The following TMEM116 variants were observed in gnomAD, a reference collection of about 807,000 sequenced individuals.
TMEM116 encodes the protein transmembrane protein 116.
A neutral mutation model predicts 44.3 loss-of-function variants in TMEM116; 38 were observed. That is an observed-to-expected ratio of 0.86 (90% CI 0.66 to 1.12). The LOEUF (loss-of-function observed/expected upper bound fraction) is 1.12. Among genes scored for constraint, TMEM116 ranks in the 50% most tolerant of loss-of-function variants. The probability of loss-of-function intolerance (pLI) is 0.00; values close to 1 mark genes in which losing one functional copy is unlikely to be tolerated. For synonymous variants in TMEM116, 132 were observed against 144.8 expected (o/e 0.91, Z 0.64); for missense variants, 354 against 401.7 (o/e 0.88, Z 1.01).
intron 4 of TMEM116, among the ~76,000 whole-genome samples, chr12:111,982,694 C>G (rs1169462302): frequency 6.6e-6 from 1 of 151,988 alleles, no homozygotes. Flanking sequence ...TCTAGAAGGC[C>G]ACATGCATGT....
At chr12:111,983,295 G>A (rs539153338) in intron 4 of TMEM116, among the ~76,000 whole-genome samples, 1 of 152,254 alleles carries the variant, frequency 6.6e-6, no homozygotes, top group East Asian at 1.9e-4. Context: ...AATTAGCTGG[G>A]CATGGTGGCG....
chr12:111,945,073 T>TAAAA (rs1231486290), intron 4 of TMEM116, among the ~76,000 whole-genome samples: 36 of 56,130 alleles, frequency 6.4e-4, no homozygotes, highest in South Asian at 1.2e-3. Context: ...AGACTCCATC[T>TAAAA]AAAAAAAAAA....
chr12:111,958,929 A>G (rs557912661), intron 4 of TMEM116, among the ~76,000 whole-genome samples: 5 of 152,316 alleles, frequency 3.3e-5, no homozygotes, highest in African/African-American at 1.2e-4. Flanking sequence ...ACTCTTCAGG[A>G]TATTATCCAG....
At chr12:111,938,110 C>G (rs368367040) in intron 6 of TMEM116, 51 bp downstream of exon 6, 9 of 1,305,262 alleles carry the variant, frequency 6.9e-6, no homozygotes, top group Non-Finnish European at 9.7e-6. Flanking sequence ...CACCTGAACA[C>G]CAGAATAATG....
intron 4 of TMEM116, among the ~76,000 whole-genome samples, chr12:111,954,409 T>C (rs945576138): frequency 1.3e-5 from 2 of 152,164 alleles, no homozygotes; most frequent in East Asian, 1.9e-4. Context: ...AATCCTCTGT[T>C]TGAGGAAGTA....
At chr12:111,990,745 T>C (rs1340410702) in intron 4 of TMEM116, among the ~76,000 whole-genome samples, 1 of 152,188 alleles carries the variant, frequency 6.6e-6, no homozygotes, top group Non-Finnish European at 1.5e-5. Flanking sequence ...GATTAATCCA[T>C]TGGTAAAATT....
Position 111,940,575 on chromosome 12 carries a change from A to ATT in TMEM116, c.316-2366_316-2365insAA, listed in dbSNP as rs2072728985. On this transcript the variant is annotated intron_variant, in intron 5 of 10. Transcript: ENST00000552374. The stretch of plus-strand genomic sequence containing the variant: ...CACACATATATATGTGTGTATATAT[A>ATT]TATATATATCTTCGGCTAAAGCTTT... Among the ~76,000 whole-genome samples the ATT allele has an allele frequency of 2.7e-5, 4 of 147,168 alleles. No individual in the cohort carries two copies. In the South Asian group the frequency reaches 6.3e-4, roughly 23 times the overall value.
intron 8 of TMEM116, 167 bp from the exon 9 acceptor site, chr12:111,934,197 T>A: frequency 1.3e-6 from 1 of 794,862 alleles, no homozygotes; most frequent in Non-Finnish European, 1.9e-6. Context: ...AAGAGAAAAT[T>A]ACCTTCAGAG....
chr12:112,004,755 C>G (rs1018151486), intron 2 of TMEM116, among the ~76,000 whole-genome samples: 2 of 151,948 alleles, frequency 1.3e-5, no homozygotes, highest in Non-Finnish European at 2.9e-5. Context: ...GCTGGAACTA[C>G]AGACACATAC....
At chr12:111,991,222 A>C (rs868374608) in intron 4 of TMEM116, among the ~76,000 whole-genome samples, 11,503 of 121,088 alleles carry the variant, frequency 0.095, 450 homozygotes, top group East Asian at 0.19. Context: ...TGTCTCAAAA[A>C]AAAAAAAAAA....
rs1422024614 is a variant in TMEM116, at chr12:111,992,636, G to A, written c.79-747C>T. ...CTGAGGACTTAAAGAAAATGAAAAC[G>A]TTTACAGTAATAAAAAGTCAGGGTA... On this transcript the variant is annotated intron_variant, in intron 3 of 10. Coordinates refer to ENST00000552374, the MANE Select transcript of TMEM116 (RefSeq NM_001193531.2). Among the ~76,000 whole-genome samples, 3 of 152,084 alleles carry A rather than the reference G, an allele frequency of 2.0e-5. No individual in the cohort carries two copies. The East Asian group carries it at 5.8e-4, about 29-fold the overall frequency.
chr12:111,953,682 T>C (rs902066299), intron 4 of TMEM116, among the ~76,000 whole-genome samples: 2 of 152,202 alleles, frequency 1.3e-5, no homozygotes, highest in African/African-American at 4.8e-5. Flanking sequence ...AAGATAACAA[T>C]TACGTAATCC....
At chr12:111,959,932 T>C (rs566680951) in intron 4 of TMEM116, among the ~76,000 whole-genome samples, 6 of 152,090 alleles carry the variant, frequency 3.9e-5, no homozygotes, top group African/African-American at 1.4e-4. Context: ...ACTGTCGATA[T>C]TAGATCAACG....
intron 3 of TMEM116, among the ~76,000 whole-genome samples, chr12:111,994,799 G>A (rs2076838765): frequency 6.6e-6 from 1 of 152,140 alleles, no homozygotes; most frequent in Non-Finnish European, 1.5e-5. Flanking sequence ...GAAACAACCG[G>A]TTAGACCACA....
At chr12:111,932,099 A>C (rs1439574272) in intron 10 of TMEM116, among the ~76,000 whole-genome samples, 1 of 152,058 alleles carries the variant, frequency 6.6e-6, no homozygotes, top group Admixed American at 6.6e-5. Context: ...CTCATTTTCC[A>C]GGGTACCCTT....
At chr12:111,958,498 T>C (rs2074333908) in intron 4 of TMEM116, among the ~76,000 whole-genome samples, 1 of 152,042 alleles carries the variant, frequency 6.6e-6, no homozygotes, top group South Asian at 2.1e-4. Context: ...AGAATGAGTT[T>C]GATGAATTGA....
chr12:111,969,046 C>T (rs1034513049), intron 4 of TMEM116, among the ~76,000 whole-genome samples: 8 of 147,034 alleles, frequency 5.4e-5, no homozygotes, highest in Admixed American at 2.0e-4. Flanking sequence ...AATGGCCAGG[C>T]GCGGTGGCTC....
intron 3 of TMEM116, chr12:111,993,949 C>CT: frequency 1.6e-6 from 1 of 636,586 alleles, no homozygotes; most frequent in Non-Finnish European, 3.0e-6. Flanking sequence ...GACTGGTACT[C>CT]TGACTGCACT....
At chr12:112,005,182 G>A in intron 2 of TMEM116, 75 bp downstream of exon 2, 1 of 1,012,312 alleles carries the variant, frequency 9.9e-7, no homozygotes, top group Non-Finnish European at 1.4e-6. Context: ...ATCCCCAAGG[G>A]GGAAATGTGG....
Sources: allele counts gnomAD v4.1 joint callset (sites outside exome capture counted in the v4.1 genomes callset), GRCh38; gene constraint gnomAD v4.1.1; transcripts MANE v1.5; gene names NCBI Gene and HGNC (gene_info 2026-07-23, HGNC 2026-07-21).